The following HDHD5 variants were observed in gnomAD, a reference collection of about 807,000 sequenced individuals.
HDHD5 encodes haloacid dehalogenase-like hydrolase domain-containing 5.
Under a neutral mutation model 35.5 loss-of-function variants are expected in HDHD5, and 34 were observed. The ratio of observed to expected loss-of-function variants is 0.96; its 90% CI spans 0.73 to 1.28. The LOEUF (loss-of-function observed/expected upper bound fraction) is 1.28, where lower values mean the gene tolerates loss of function less well. Ranked by LOEUF, HDHD5 falls within the 50% of genes most tolerant of loss-of-function variation. The probability of loss-of-function intolerance (pLI) is 0.00; values close to 1 mark genes in which losing one functional copy is unlikely to be tolerated. For synonymous variants in HDHD5, 248 were observed against 240.6 expected, an observed-to-expected ratio of 1.03 and a Z score of -0.29; for missense variants, 589 against 560.2, an observed-to-expected ratio of 1.05 and a Z score of -0.52.
intron 1 of HDHD5, among the ~76,000 whole-genome samples, chr22:17,157,076 T>TCTCTCACA (rs1555881505): frequency 7.1e-5 from 4 of 56,114 alleles, no homozygotes; most frequent in African/African-American, 3.1e-4. Context: ...AGACACCGTC[T>TCTCTCACA]CACACACATA....
At chr22:17,150,772 G>C (rs1331889341) in intron 1 of HDHD5, among the ~76,000 whole-genome samples, 1 of 152,072 alleles carries the variant, frequency 6.6e-6, no homozygotes, top group Non-Finnish European at 1.5e-5. Flanking sequence ...ACCCACCTTG[G>C]CCTCTCAAAG....
upstream of HDHD5, among the ~76,000 whole-genome samples, chr22:17,161,861 A>G (rs2061865590): frequency 1.3e-5 from 2 of 149,574 alleles, no homozygotes; most frequent in South Asian, 4.3e-4. Flanking sequence ...CAACAGAGTG[A>G]GACTCTGTCT....
intron 1 of HDHD5, among the ~76,000 whole-genome samples, chr22:17,156,855 G>C (rs980101694): frequency 1.3e-5 from 2 of 150,352 alleles, no homozygotes; most frequent in Non-Finnish European, 3.0e-5. Context: ...CAAGGCAGGC[G>C]GATCATGAGG....
intron 1 of HDHD5, among the ~76,000 whole-genome samples, chr22:17,151,928 A>T (rs749428616): frequency 2.6e-5 from 4 of 152,236 alleles, no homozygotes; most frequent in Non-Finnish European, 4.4e-5. Context: ...AAACAAAGGC[A>T]GTTTCTTCAA....
At chr22:17,158,237 C>T (rs2061822297) in intron 1 of HDHD5, among the ~76,000 whole-genome samples, 1 of 152,062 alleles carries the variant, frequency 6.6e-6, no homozygotes, top group African/African-American at 2.4e-5. Flanking sequence ...AGAAGAATCG[C>T]TTGAACCCGG....
At chr22:17,147,539 A>G (rs1222434485) in intron 3 of HDHD5, among the ~76,000 whole-genome samples, 14 of 90,024 alleles carry the variant, frequency 1.6e-4, no homozygotes, top group South Asian at 3.8e-4. Context: ...CACCTGTGGC[A>G]CACTCCTGTG....
intron 1 of HDHD5, among the ~76,000 whole-genome samples, chr22:17,150,561 G>C (rs960432774): frequency 7.5e-5 from 11 of 145,876 alleles, no homozygotes; most frequent in Admixed American, 1.4e-4. Flanking sequence ...CTCTGTCGCC[G>C]AGACTGGAGT....
At chr22:17,162,413 G>A (rs150774741), upstream of HDHD5, among the ~76,000 whole-genome samples, 184 of 152,310 alleles carry the variant, frequency 1.2e-3, 1 homozygote, top group Middle Eastern at 0.02. Flanking sequence ...TAATCTTCAG[G>A]AGTTTCAGCC....
Position 17,141,183 on chromosome 22 carries a change from T to G in HDHD5, c.622A>C (p.Ile208Leu). 1 of 1,597,734 alleles carries G rather than the reference T, an allele frequency of 6.3e-7. No individual in the cohort carries two copies. Among genetic ancestry groups the G allele is most frequent in the Non-Finnish European group, 8.5e-7 (1 of 1,172,868 alleles). Reference protein sequence around the residue: ...PVRWETSLQLIMDVLLSNGSP... With the variant: ...PVRWETSLQLLMDVLLSNGSP... ...CCATTGCTGAGGAGGACATCCATGATCAGCTGCAGGCTGGTCTCCCAGCGG... is the reference window on the plus strand; with the variant it reads ...CCATTGCTGAGGAGGACATCCATGAGCAGCTGCAGGCTGGTCTCCCAGCGG... The change falls in exon 6 of 8, where the codon ATC (isoleucine) becomes CTC (leucine). Residue 208 changes from isoleucine (I) to leucine (L), a missense_variant. Coordinates refer to ENST00000336737, the MANE Select transcript of HDHD5 (RefSeq NM_033070.3).
upstream of HDHD5, among the ~76,000 whole-genome samples, chr22:17,161,881 A>C (rs545159788): frequency 6.6e-6 from 1 of 151,208 alleles, no homozygotes; most frequent in Non-Finnish European, 1.5e-5. Context: ...TCAAAAAAAA[A>C]AAAAGAAAAA....
intron 1 of HDHD5, among the ~76,000 whole-genome samples, chr22:17,150,931 G>A (rs964615708): frequency 6.6e-6 from 1 of 152,148 alleles, no homozygotes; most frequent in African/African-American, 2.4e-5. Context: ...TGGACAGTTA[G>A]GTTTTTCCAC....
chr22:17,140,759 G>C (rs547138795), intron 6 of HDHD5, among the ~76,000 whole-genome samples: 22 of 152,268 alleles, frequency 1.4e-4, no homozygotes, highest in Non-Finnish European at 2.5e-4. Context: ...CCACGGTTTG[G>C]GATCCACCAG....
chr22:17,148,771 CAA>C (rs1336266986), intron 2 of HDHD5, among the ~76,000 whole-genome samples: 5 of 152,192 alleles, frequency 3.3e-5, no homozygotes. Flanking sequence ...TCTTGCCACA[CAA>C]GAGACCAGAA....
intron 1 of HDHD5, among the ~76,000 whole-genome samples, chr22:17,151,803 C>G (rs4819561): frequency 0.88 from 132,568 of 150,828 alleles, 58,399 homozygotes; most frequent in African/African-American, 0.93. Flanking sequence ...CCAGTACCTA[C>G]TTTTTAGCTA....
At chr22:17,153,862 G>C (rs1213749478) in intron 1 of HDHD5, among the ~76,000 whole-genome samples, 1 of 152,046 alleles carries the variant, frequency 6.6e-6, no homozygotes, top group African/African-American at 2.4e-5. Flanking sequence ...GAAAAGAGTG[G>C]CTCTTAGAAA....
intron 1 of HDHD5, among the ~76,000 whole-genome samples, chr22:17,152,544 C>T (rs565065383): frequency 5.3e-5 from 8 of 151,912 alleles, no homozygotes; most frequent in Admixed American, 6.6e-5. Flanking sequence ...GAGCGGGCAG[C>T]GAGAGGTCAT....
At chr22:17,147,688 C>T (rs1443821297) in intron 3 of HDHD5, among the ~76,000 whole-genome samples, 1 of 147,334 alleles carries the variant, frequency 6.8e-6, no homozygotes, top group Non-Finnish European at 1.5e-5. Flanking sequence ...CACAGGCCTT[C>T]GATCACATGC....
intron 3 of HDHD5, among the ~76,000 whole-genome samples, chr22:17,145,370 C>T (rs987682741): frequency 1.2e-4 from 19 of 152,330 alleles, no homozygotes; most frequent in African/African-American, 4.3e-4. Context: ...GCTACCAGGT[C>T]CTATGCTGGG....
upstream of HDHD5, among the ~76,000 whole-genome samples, chr22:17,161,370 CCAACATGGTG>C (rs2061862879): frequency 6.7e-6 from 1 of 150,340 alleles, no homozygotes; most frequent in Non-Finnish European, 1.5e-5. Context: ...ACCAGCCTGG[CCAACATGGTG>C]AAACTCTGTC....
Sources: allele counts gnomAD v4.1 joint callset (sites outside exome capture counted in the v4.1 genomes callset), GRCh38; gene constraint gnomAD v4.1.1; transcripts MANE v1.5; gene names NCBI Gene and HGNC (gene_info 2026-07-23, HGNC 2026-07-21).